The following BMPR1B variants were observed in gnomAD, a reference collection of about 807,000 sequenced individuals.
BMPR1B encodes bone morphogenetic protein receptor type-1B.
In BMPR1B, 12 loss-of-function variants were observed where a neutral mutation model predicts 59.1. The ratio of observed to expected loss-of-function variants is 0.20; its 90% CI spans 0.13 to 0.33. The LOEUF is 0.33. Ranked by LOEUF, BMPR1B falls within the 10% of genes least tolerant of loss-of-function variation. The pLI is 1.00. For synonymous variants in BMPR1B, 237 were observed against 207.3 expected (o/e 1.14, Z -1.23); for missense variants, 550 against 610.9 (o/e 0.90, Z 1.05).
chr4:95,051,770 G>A (rs762324676), intron 3 of BMPR1B: 1 of 1,535,420 alleles, frequency 6.5e-7, no homozygotes, highest in East Asian at 2.4e-5. Flanking sequence ...ATGCACACAA[G>A]GGGTAAGAAG....
rs141814781 is a variant in BMPR1B at position 94,925,773 on chromosome 4, C to T, written c.-113+49873C>T. 8.5e-5 allele frequency among the ~76,000 whole-genome samples: 13 copies of T among 152,158 alleles called. No individual in the cohort carries two copies. The East Asian group carries it at 2.1e-3, about 25-fold the overall frequency. On this transcript the variant is annotated intron_variant, in intron 2 of 12. Coordinates refer to ENST00000515059, the MANE Select transcript of BMPR1B (RefSeq NM_001203.3). ...CTATTCAAAAAATAAGGCAAAGAAC[C>T]AAGTAAATTTTTAAAGCTGAATGAG...
rs1324316127 is a variant in BMPR1B, at chr4:95,104,287, GTT to G, written c.-17-119_-17-118del. 6 of 1,195,156 alleles carry G rather than the reference GTT, an allele frequency of 5.0e-6. No individual in the cohort carries two copies. The East Asian group carries it at 1.3e-4, about 25-fold the overall frequency. The allele number at this position is 1,195,156 out of a possible 1,614,324, so 74.0% of individuals were successfully genotyped here. A position where few individuals can be genotyped will look rare whatever the true frequency, so the allele number is the denominator to read the frequency against. ...AAAATACCAAAATGTCTGTTTTTCT[GTT>G]TAAATCTTTAAGTATCTTGAATACT... On this transcript the variant is annotated intron_variant, in intron 3 of 12. Coordinates refer to ENST00000515059, the MANE Select transcript of BMPR1B (RefSeq NM_001203.3).
intron 3 of BMPR1B, among the ~76,000 whole-genome samples, chr4:95,029,008 G>A (rs925093791): frequency 6.6e-6 from 1 of 150,906 alleles, no homozygotes; most frequent in Admixed American, 6.6e-5. Flanking sequence ...TAATTGAAAT[G>A]ATCTCTTATC....
chr4:95,148,674 G>GT lies in BMPR1B; in HGVS notation c.1077-71dup, dbSNP rs1734817914. 5 of 1,476,058 alleles carry GT rather than the reference G, an allele frequency of 3.4e-6. No individual in the cohort carries two copies. In the South Asian group the frequency reaches 4.6e-5, roughly 14 times the overall value. 91.4% of individuals were successfully genotyped at this position (1,476,058 alleles called of 1,614,324 possible). A position where few individuals can be genotyped will look rare whatever the true frequency, so the allele number is the denominator to read the frequency against. ...CCACTTTTCACTAACTAAAGCCATT[G>GT]TTTCAGAATCACCTTGATTCGTTTT... On this transcript the variant is annotated intron_variant, in intron 10 of 12. Coordinates refer to ENST00000515059, the MANE Select transcript of BMPR1B (RefSeq NM_001203.3).
At chr4:94,802,119 T>G (rs968035148) in intron 1 of BMPR1B, among the ~76,000 whole-genome samples, 8 of 152,198 alleles carry the variant, frequency 5.3e-5, no homozygotes, top group Admixed American at 2.0e-4. Flanking sequence ...TGTATTTAGT[T>G]GTAGTAGTTT....
At chr4:94,922,685 C>T (rs1414615911) in intron 2 of BMPR1B, among the ~76,000 whole-genome samples, 7 of 152,048 alleles carry the variant, frequency 4.6e-5, no homozygotes, top group Non-Finnish European at 1.0e-4. Flanking sequence ...TAAGCATGCA[C>T]TGACTGTGTG....
At chr4:95,072,592 C>G (rs572952540) in intron 3 of BMPR1B, among the ~76,000 whole-genome samples, 1 of 152,162 alleles carries the variant, frequency 6.6e-6, no homozygotes, top group East Asian at 1.9e-4. Flanking sequence ...TATTCTTCAC[C>G]ATGATATTTT....
intron 3 of BMPR1B, among the ~76,000 whole-genome samples, chr4:95,041,353 A>T (rs1352401892): frequency 1.3e-5 from 2 of 151,178 alleles, no homozygotes; most frequent in East Asian, 3.9e-4. Flanking sequence ...GTGGTCTATA[A>T]TTTTTTTTTA....
chr4:95,084,932 CTACACCTGCTTGG>C (rs1729457465), intron 3 of BMPR1B, among the ~76,000 whole-genome samples: 1 of 152,230 alleles, frequency 6.6e-6, no homozygotes, highest in Middle Eastern at 3.4e-3. Context: ...ATCATGATTC[CTACACCTGCTTGG>C]AGTGTAGTTA....
At chr4:94,784,234 T>G (rs147840126) in intron 1 of BMPR1B, among the ~76,000 whole-genome samples, 1,713 of 152,268 alleles carry the variant, frequency 0.011, 24 homozygotes, top group African/African-American at 0.039. Context: ...CTTTTAATTT[T>G]ATTTCCTATT....
intron 7 of BMPR1B, 33 bp from the exon 8 acceptor site, chr4:95,124,950 T>C (rs1732795549): frequency 1.3e-6 from 2 of 1,591,104 alleles, no homozygotes; most frequent in East Asian, 4.5e-5. Flanking sequence ...TGCATTTCAT[T>C]ATCTAAAATT....
chr4:94,857,379 G>A lies in BMPR1B; in HGVS notation c.-182-18452G>A, dbSNP rs151060976. On this transcript the variant is annotated intron_variant, in intron 1 of 12. Coordinates refer to ENST00000515059, the MANE Select transcript of BMPR1B (RefSeq NM_001203.3). ...TTGTACCATTTTCTGTAGAAGGTTAGCACTTTATCTTCAATGAATAGTTAC... is the reference window on the plus strand; with the variant it reads ...TTGTACCATTTTCTGTAGAAGGTTAACACTTTATCTTCAATGAATAGTTAC... 3.4e-3 allele frequency among the ~76,000 whole-genome samples: 521 copies of A among 152,234 alleles called. 3 individuals carry two copies. The highest frequency in any genetic ancestry group is 0.012 in the African/African-American group (482 of 41,540).
chr4:94,964,163 G>A (rs372525001), intron 2 of BMPR1B, among the ~76,000 whole-genome samples: 19 of 151,982 alleles, frequency 1.3e-4, no homozygotes, highest in Admixed American at 4.6e-4. Flanking sequence ...ACTGATTTTG[G>A]TATGTTAATT....
intron 3 of BMPR1B, among the ~76,000 whole-genome samples, chr4:95,026,122 C>CTTTCTTTCTT (rs1724373500): frequency 6.9e-6 from 1 of 144,342 alleles, no homozygotes; most frequent in African/African-American, 2.7e-5. Context: ...TTCTTTCTTT[C>CTTTCTTTCTT]TTTCTTTCTT....
In BMPR1B at chr4:94,941,446, T is replaced by A. The variant is rs866886871; in HGVS notation, c.-112-54594T>A. Among the ~76,000 whole-genome samples the A allele has an allele frequency of 7.6e-3, 1,112 of 146,260 alleles. 7 individuals carry two copies. Among genetic ancestry groups the A allele is most frequent in the African/African-American group, 0.019 (754 of 40,042 alleles). ...AAAACTGTCTCAAAAAAAAAAAAAA[T>A]GAAAAAGTATTGGTTACTTTCTTTG... On this transcript the variant is annotated intron_variant, in intron 2 of 12. Transcript: ENST00000515059.
At chr4:95,149,423 T>G (rs1734874042) in intron 11 of BMPR1B, among the ~76,000 whole-genome samples, 1 of 152,214 alleles carries the variant, frequency 6.6e-6, no homozygotes, top group Non-Finnish European at 1.5e-5. Context: ...AAACATCAGT[T>G]TTTTATCAAA....
At chr4:95,056,568 C>G (rs1340816812) in intron 3 of BMPR1B, among the ~76,000 whole-genome samples, 3 of 152,232 alleles carry the variant, frequency 2.0e-5, no homozygotes, top group Admixed American at 1.3e-4. Flanking sequence ...TTGTCTATGT[C>G]TGTCTCTCTC....
intron 3 of BMPR1B, among the ~76,000 whole-genome samples, chr4:95,026,790 G>A (rs1213271672): frequency 6.8e-6 from 1 of 146,678 alleles, no homozygotes; most frequent in African/African-American, 2.5e-5. Context: ...TAGAGGTAGT[G>A]TCTCACTCTT....
chr4:95,137,762 C>T (rs557779771), intron 10 of BMPR1B, among the ~76,000 whole-genome samples: 4 of 151,992 alleles, frequency 2.6e-5, no homozygotes, highest in African/African-American at 7.2e-5. Context: ...TTGCTTGGTA[C>T]ATCTTCCTCC....
Sources: allele counts gnomAD v4.1 joint callset (sites outside exome capture counted in the v4.1 genomes callset), GRCh38; gene constraint gnomAD v4.1.1; transcripts MANE v1.5; gene names NCBI Gene and HGNC (gene_info 2026-07-23, HGNC 2026-07-21).